The following DST variants were observed in gnomAD, a reference collection of about 807,000 sequenced individuals.
The protein encoded by DST is bullous pemphigoid antigen.
DST carries 253 observed loss-of-function variants against 875.2 expected under a neutral mutation model. The ratio of observed to expected loss-of-function variants is 0.29; its 90% CI spans 0.26 to 0.32. The LOEUF (loss-of-function observed/expected upper bound fraction) is 0.32. Among genes scored for constraint, DST ranks in the 10% least tolerant of loss-of-function variants. The probability of loss-of-function intolerance (pLI) is 1.00; values close to 1 mark genes in which losing one functional copy is unlikely to be tolerated. For missense variants in DST, 8,287 were observed against 9,111.6 expected (o/e 0.91, Z 3.68); for synonymous variants, 3,124 against 3,197.1 (o/e 0.98, Z 0.77).
chr6:56,658,629 G>C (rs2099022831), intron 10 of DST, among the ~76,000 whole-genome samples: 1 of 152,108 alleles, frequency 6.6e-6, no homozygotes. Flanking sequence ...AGGGTAATCG[G>C]AGAAGACAAC....
At chr6:56,823,252 C>T (rs2099775286) in intron 4 of DST, among the ~76,000 whole-genome samples, 1 of 152,098 alleles carries the variant, frequency 6.6e-6, no homozygotes, top group Admixed American at 6.6e-5. Context: ...TTCTGAGCCT[C>T]CCCTCAGTAT....
rs34682914 is a variant in DST, at chr6:56,591,981, C to CAA, written c.12903+199_12903+200dup. On this transcript the variant is annotated intron_variant, in intron 49 of 103. Transcript: ENST00000680361. Reference sequence around the variant, plus strand: ...TACACGATGGAGTGAGACTCCATCTCAAAAAAAAAAAAAAAAAAAAAATTC... The same window carrying CAA: ...TACACGATGGAGTGAGACTCCATCTCAAAAAAAAAAAAAAAAAAAAAAAATTC... Among the ~76,000 whole-genome samples, 23,132 of 63,506 alleles carry CAA rather than the reference C, an allele frequency of 0.36. 3,486 individuals are homozygous for CAA. Among genetic ancestry groups the CAA allele is most frequent in the Non-Finnish European group, 0.43 (15,455 of 35,722 alleles). The allele number at this position is 63,506 out of a possible 152,430, so 41.7% of individuals were successfully genotyped here. A position where few individuals can be genotyped will look rare whatever the true frequency, so the allele number is the denominator to read the frequency against.
chr6:56,493,675 T>C (rs1460681421), intron 83 of DST, among the ~76,000 whole-genome samples: 8 of 152,108 alleles, frequency 5.3e-5, no homozygotes, highest in African/African-American at 1.9e-4. Context: ...CCCTCACCCA[T>C]ATATATAGTC....
At chr6:56,751,339 A>C (rs533970696) in intron 4 of DST, among the ~76,000 whole-genome samples, 1 of 152,288 alleles carries the variant, frequency 6.6e-6, no homozygotes, top group South Asian at 2.1e-4. Context: ...AAAAGATTAT[A>C]AGGGGATATG....
intron 47 of DST, among the ~76,000 whole-genome samples, chr6:56,594,603 C>T (rs536945714): frequency 3.3e-5 from 5 of 152,148 alleles, no homozygotes; most frequent in East Asian, 3.9e-4. Flanking sequence ...TTTTTTATTA[C>T]GAAATGATCC....
rs561265486 is a variant in DST, at chr6:56,885,986, A to G, written c.417+14435T>C. 8.9e-4 allele frequency among the ~76,000 whole-genome samples: 135 copies of G among 152,344 alleles called. 5 individuals carry two copies. In the South Asian group the frequency reaches 0.027, roughly 30 times the overall value. On this transcript the variant is annotated intron_variant, in intron 3 of 103. Coordinates refer to ENST00000680361, the MANE Select transcript of DST (RefSeq NM_001374736.1). ...AGTTGATTATCTAATTTACCAATTC[A>G]TAATTGAATAGGGTGTGTGGAGGAG...
chr6:56,724,225 A>G (rs1170247379), intron 5 of DST, among the ~76,000 whole-genome samples: 3 of 152,216 alleles, frequency 2.0e-5, no homozygotes, highest in Non-Finnish European at 2.9e-5. Context: ...ACAAACTATG[A>G]GGTAAAAGAA....
At chr6:56,919,275 T>C (rs1185955318) in intron 2 of DST, among the ~76,000 whole-genome samples, 1 of 152,160 alleles carries the variant, frequency 6.6e-6, no homozygotes, top group African/African-American at 2.4e-5. Flanking sequence ...ACTGCAAAAT[T>C]ATAAAACATT....
chr6:56,744,080 C>T (rs1302184175), intron 4 of DST, among the ~76,000 whole-genome samples: 5 of 148,036 alleles, frequency 3.4e-5, no homozygotes, highest in East Asian at 2.0e-4. Context: ...GCCCAGAAGG[C>T]GGAGTTTGCA....
chr6:56,666,094 CAAG>C (rs1394781705), intron 10 of DST, among the ~76,000 whole-genome samples: 2 of 152,090 alleles, frequency 1.3e-5, no homozygotes, highest in African/African-American at 4.8e-5. Context: ...TTAATTCTCT[CAAG>C]AAACATGACA....
chr6:56,517,193 T>G lies in DST; in HGVS notation c.18357+5A>C, dbSNP rs377686148. On this transcript the variant is annotated splice_donor_5th_base_variant and intron_variant, in intron 71 of 103. Coordinates refer to ENST00000680361, the MANE Select transcript of DST (RefSeq NM_001374736.1). ...CCCACTACCAGTCCACAGACAAGAT[T>G]ATACCTTCATTGATTGCTTTTCCTC... The G allele has an allele frequency of 6.2e-6, 10 of 1,607,192 alleles. No homozygotes were observed. The highest frequency in any genetic ancestry group is 8.5e-6 in the Non-Finnish European group (10 of 1,173,978).
At chr6:56,672,461 A>G (rs993132725) in intron 9 of DST, among the ~76,000 whole-genome samples, 6 of 152,230 alleles carry the variant, frequency 3.9e-5, no homozygotes, top group Non-Finnish European at 8.8e-5. Flanking sequence ...ACATGAACAC[A>G]TCATATAGTA....
chr6:56,709,138 G>A (rs1428639566), intron 5 of DST, among the ~76,000 whole-genome samples: 3 of 152,048 alleles, frequency 2.0e-5, no homozygotes, highest in Admixed American at 6.5e-5. Context: ...CACAATTCTC[G>A]TAGAATTTTG....
chr6:56,739,502 G>A (rs2099538496), intron 4 of DST, among the ~76,000 whole-genome samples: 1 of 152,100 alleles, frequency 6.6e-6, no homozygotes, highest in Non-Finnish European at 1.5e-5. Context: ...TGGTGTCAGA[G>A]GGGTGTGAAC....
At chr6:56,821,990 G>A (rs1248637536) in intron 4 of DST, among the ~76,000 whole-genome samples, 1 of 152,042 alleles carries the variant, frequency 6.6e-6, no homozygotes, top group Non-Finnish European at 1.5e-5. Flanking sequence ...TATTAAGAGA[G>A]ATGTGGATAG....
chr6:56,632,975 T>C lies in DST; in HGVS notation c.3684A>G (p.Glu1228=), dbSNP rs1250301207. ...ATTCCTGGCTATCTTCCAGAAAATC[T>C]TCAAAACGAGATTGTAGATTACTTA... ...QVLSNLQSRF[E]DFLEDSQESQ... is the part of the protein sequence containing the mutation. Residue 1228 remains glutamate, a synonymous_variant, in exon 28 of 104, where the codon GAA becomes GAG. Transcript: ENST00000680361. 6.2e-7 allele frequency: 1 copy of C among 1,614,026 alleles called. No individual in the cohort carries two copies.
Position 56,547,051 on chromosome 6 carries a change from A to G in DST, c.16608+5133T>C, listed in dbSNP as rs116268608. Among the ~76,000 whole-genome samples the G allele has an allele frequency of 1.5e-3, 222 of 152,362 alleles. 1 individual carries two copies. The highest frequency in any genetic ancestry group is 5.1e-3 in the African/African-American group (211 of 41,596). On this transcript the variant is annotated intron_variant, in intron 61 of 103. Transcript: ENST00000680361. ...ATCTCAAATGAAGGAATAAAAGTTA[A>G]GAGGAGCTCTGTGACATAAAGGGCC...
chr6:56,730,578 G>A (rs2099493657), intron 5 of DST, among the ~76,000 whole-genome samples: 1 of 152,102 alleles, frequency 6.6e-6, no homozygotes, highest in South Asian at 2.1e-4. Flanking sequence ...ACAAAAGAAT[G>A]TCATCAATTT....
chr6:56,763,989 T>C (rs1564060084), intron 4 of DST, among the ~76,000 whole-genome samples: 1 of 152,054 alleles, frequency 6.6e-6, no homozygotes, highest in Non-Finnish European at 1.5e-5. Context: ...AACCTATCAG[T>C]AGTGATAGTC....
Sources: gnomAD v4.1 joint callset for allele counts (sites outside exome capture counted in the v4.1 genomes callset) on GRCh38, gnomAD v4.1.1 for gene constraint, MANE v1.5 for transcripts, NCBI Gene and HGNC (gene_info 2026-07-23, HGNC 2026-07-21) for gene names.